PTPRT: variants seen among roughly 807,000 people sequenced by gnomAD.
The protein encoded by PTPRT is protein tyrosine phosphatase receptor type T, also known as receptor-type tyrosine-protein phosphatase T.
In PTPRT, 56 loss-of-function variants were observed where a neutral mutation model predicts 176.8. The observed-to-expected ratio is 0.32, with a 90% CI of 0.26 to 0.40. The LOEUF (loss-of-function observed/expected upper bound fraction) is 0.40, where lower values mean the gene tolerates loss of function less well. PTPRT is among the 10% of genes least tolerant of loss of function. The pLI is 1.00. For synonymous variants in PTPRT, 783 were observed against 739.0 expected, an observed-to-expected ratio of 1.06 and a Z score of -0.96; for missense variants, 1,540 against 1,908.2, an observed-to-expected ratio of 0.81 and a Z score of 3.60.
At chr20:42,126,577 A>G (rs895120529) in intron 19 of PTPRT, among the ~76,000 whole-genome samples, 2 of 152,190 alleles carry the variant, frequency 1.3e-5, no homozygotes, top group Non-Finnish European at 2.9e-5. Flanking sequence ...GAACTGAGAC[A>G]TCACCTCCTC....
chr20:42,642,021 C>T (rs933894836), intron 7 of PTPRT, among the ~76,000 whole-genome samples: 1 of 152,150 alleles, frequency 6.6e-6, no homozygotes, highest in African/African-American at 2.4e-5. Context: ...CAGGGAACTA[C>T]AAGGTTATTA....
chr20:42,056,443 G>C, the PTPRT span, among the ~76,000 whole-genome samples: 1 of 152,222 alleles, frequency 6.6e-6, no homozygotes, highest in African/African-American at 2.4e-5. Context: ...GGAGGTCTAA[G>C]CATCTTTGGA....
chr20:42,321,469 T>C (rs1310697735), intron 11 of PTPRT, among the ~76,000 whole-genome samples: 1 of 152,172 alleles, frequency 6.6e-6, no homozygotes, highest in Non-Finnish European at 1.5e-5. Flanking sequence ...TATTTATACC[T>C]GTATAGCCAA....
intron 1 of PTPRT, among the ~76,000 whole-genome samples, chr20:42,973,241 G>A (rs1051530570): frequency 6.6e-6 from 1 of 152,086 alleles, no homozygotes; most frequent in Non-Finnish European, 1.5e-5. Context: ...AATGGATGGT[G>A]GTGCCATTTT....
rs372766572 is a variant in PTPRT at position 42,531,664 on chromosome 20, C to T, written c.1154-59102G>A. On this transcript the variant is annotated intron_variant, in intron 7 of 30. Coordinates refer to ENST00000373187, the MANE Select transcript of PTPRT (RefSeq NM_007050.6). ...ACTATGGATAAATGCTGAAGAATAA[C>T]GCCACGTGCAAGCAACCAAGTACAG... 5.8e-4 allele frequency among the ~76,000 whole-genome samples: 88 copies of T among 152,246 alleles called. No individual in the cohort carries two copies. The East Asian group carries it at 0.011, about 19-fold the overall frequency.
chr20:42,877,059 A>G (rs1393232171), intron 2 of PTPRT, among the ~76,000 whole-genome samples: 4 of 152,204 alleles, frequency 2.6e-5, no homozygotes, highest in Non-Finnish European at 4.4e-5. Context: ...AAGAGATATC[A>G]ACTATGACTA....
chr20:42,914,127 GACAAATCTC>G lies in PTPRT; in HGVS notation c.89-28204_89-28196del, dbSNP rs966236379. Among the ~76,000 whole-genome samples the G allele has an allele frequency of 9.2e-5, 14 of 152,214 alleles. No individual in the cohort carries two copies. In the East Asian group the frequency reaches 1.5e-3, roughly 17 times the overall value. ...GTGTAGTTGTCCTCTATAGTCCCTT[GACAAATCTC>G]ACAATCAAATTGTCTTTGCTTTCTC... is the stretch of plus-strand genomic sequence containing the variant. On this transcript the variant is annotated intron_variant, in intron 1 of 30. Coordinates refer to ENST00000373187, the MANE Select transcript of PTPRT (RefSeq NM_007050.6).
At chr20:43,138,989 T>C (rs1364379929) in intron 1 of PTPRT, among the ~76,000 whole-genome samples, 1 of 152,200 alleles carries the variant, frequency 6.6e-6, no homozygotes, top group Non-Finnish European at 1.5e-5. Flanking sequence ...AGATCAGATA[T>C]TCAAGTTCCT....
chr20:42,852,675 T>C (rs919060986), intron 2 of PTPRT, among the ~76,000 whole-genome samples: 13 of 152,202 alleles, frequency 8.5e-5, no homozygotes, highest in African/African-American at 2.9e-4. Flanking sequence ...CCTTCATTCA[T>C]GGATTCTGTT....
At chr20:42,356,412 A>C (rs1600883186) in intron 9 of PTPRT, among the ~76,000 whole-genome samples, 2 of 152,268 alleles carry the variant, frequency 1.3e-5, no homozygotes, top group East Asian at 3.9e-4. Flanking sequence ...CAAAAATCCC[A>C]GGCTGAGCAC....
intron 2 of PTPRT, among the ~76,000 whole-genome samples, chr20:42,830,835 A>AT (rs1317501889): frequency 6.6e-6 from 1 of 152,212 alleles, no homozygotes; most frequent in Non-Finnish European, 1.5e-5. Context: ...ACAGCTAACC[A>AT]GGGAGGTGAA....
intron 1 of PTPRT, among the ~76,000 whole-genome samples, chr20:43,126,605 T>C (rs1274636196): frequency 6.6e-6 from 1 of 152,206 alleles, no homozygotes; most frequent in African/African-American, 2.4e-5. Context: ...TCAACAAAGA[T>C]GCTAAGACTT....
intron 17 of PTPRT, among the ~76,000 whole-genome samples, chr20:42,156,136 C>T (rs1989340696): frequency 6.6e-6 from 1 of 152,266 alleles, no homozygotes; most frequent in South Asian, 2.1e-4. Context: ...TTGGTTCTTC[C>T]TACTTCTCAA....
At chr20:42,899,813 C>T (rs1268780812) in intron 1 of PTPRT, among the ~76,000 whole-genome samples, 2 of 152,204 alleles carry the variant, frequency 1.3e-5, no homozygotes, top group African/African-American at 4.8e-5. Flanking sequence ...GAGGATGATG[C>T]ATGGCTTGGT....
intron 8 of PTPRT, among the ~76,000 whole-genome samples, chr20:42,453,525 C>T (rs770190601): frequency 1.3e-5 from 2 of 152,006 alleles, no homozygotes; most frequent in African/African-American, 4.8e-5. Flanking sequence ...ACTATCTGCT[C>T]TAAGAAATAA....
chr20:42,925,869 C>T (rs1405262118), intron 1 of PTPRT, among the ~76,000 whole-genome samples: 1 of 152,236 alleles, frequency 6.6e-6, no homozygotes, highest in African/African-American at 2.4e-5. Flanking sequence ...CTACAAGGAG[C>T]TGTCAACTGC....
chr20:42,947,416 T>C (rs1980950908), intron 1 of PTPRT, among the ~76,000 whole-genome samples: 1 of 152,138 alleles, frequency 6.6e-6, no homozygotes, highest in South Asian at 2.1e-4. Flanking sequence ...CTCTCATCTC[T>C]GGATGGCAGG....
At position 42,352,251 on chromosome 20, in the gene PTPRT, CT is replaced by C; in HGVS notation, c.1594del (p.Ser532ValfsTer69). The stretch of plus-strand genomic sequence containing the variant: ...CCCCCTCTGGCTCGAGAGGTCAGCA[CT>C]TGGGTCCAGCGAGCCGACAGCCTTG... ...NYKAVGSLDP[S>X]ADLSSQRGKV... On this transcript the variant is annotated frameshift_variant, in exon 10 of 31. Coordinates refer to ENST00000373187, the MANE Select transcript of PTPRT (RefSeq NM_007050.6). LOFTEE classifies it high-confidence loss of function. 1 of 1,614,120 alleles carries C rather than the reference CT, an allele frequency of 6.2e-7. No individual in the cohort carries two copies. The highest frequency in any genetic ancestry group is 8.5e-7 in the Non-Finnish European group (1 of 1,180,012).
intron 3 of PTPRT, 94 bp downstream of exon 3, chr20:42,791,100 TG>T (rs2077367836): frequency 4.9e-6 from 7 of 1,435,720 alleles, no homozygotes; most frequent in Non-Finnish European, 6.5e-6. Context: ...AGTGAATAAA[TG>T]AAGTCCTTTC....
Sources: gnomAD v4.1 joint callset for allele counts (sites outside exome capture counted in the v4.1 genomes callset) on GRCh38, gnomAD v4.1.1 for gene constraint, MANE v1.5 for transcripts, NCBI Gene and HGNC (gene_info 2026-07-23, HGNC 2026-07-21) for gene names.